CPQ: variants seen among roughly 807,000 people sequenced by gnomAD.
The protein encoded by CPQ is Ser-Met dipeptidase.
Under a neutral mutation model 45.7 loss-of-function variants are expected in CPQ, and 37 were observed. The ratio of observed to expected loss-of-function variants is 0.81; its 90% CI spans 0.62 to 1.07. The LOEUF is 1.07. Among genes scored for constraint, CPQ ranks in the 50% least tolerant of loss-of-function variants. The probability of loss-of-function intolerance (pLI) is 0.00; values close to 1 mark genes in which losing one functional copy is unlikely to be tolerated. For synonymous variants in CPQ, 186 were observed against 205.8 expected (o/e 0.90, Z 0.82); for missense variants, 537 against 572.9 (o/e 0.94, Z 0.64).
At chr8:96,846,447 A>G (rs550507288) in intron 3 of CPQ, among the ~76,000 whole-genome samples, 6 of 152,310 alleles carry the variant, frequency 3.9e-5, no homozygotes, top group African/African-American at 1.4e-4. Context: ...TTTGTGTCAT[A>G]GAGTCTTTTC....
chr8:96,773,954 C>T (rs1810576473), intron 1 of CPQ, among the ~76,000 whole-genome samples: 1 of 152,120 alleles, frequency 6.6e-6, no homozygotes, highest in Non-Finnish European at 1.5e-5. Context: ...GGCCACACCT[C>T]TTAATACTGT....
At chr8:97,106,830 A>AG (rs1811414046) in intron 7 of CPQ, among the ~76,000 whole-genome samples, 2 of 152,178 alleles carry the variant, frequency 1.3e-5, no homozygotes, top group Admixed American at 6.5e-5. Context: ...CGAGAAAGAG[A>AG]GGCCAGTATA....
intron 2 of CPQ, among the ~76,000 whole-genome samples, chr8:96,786,086 A>G (rs1810765088): frequency 2.0e-5 from 3 of 152,178 alleles, no homozygotes; most frequent in African/African-American, 4.8e-5. Flanking sequence ...GATTTTTAAT[A>G]TATTCACAGA....
chr8:97,060,821 G>A (rs973021828), intron 6 of CPQ, among the ~76,000 whole-genome samples: 2 of 152,120 alleles, frequency 1.3e-5, no homozygotes, highest in African/African-American at 4.8e-5. Context: ...CCCACACATA[G>A]CACACTAAGG....
chr8:97,105,784 C>A (rs1178063501), intron 7 of CPQ, among the ~76,000 whole-genome samples: 2 of 152,174 alleles, frequency 1.3e-5, no homozygotes, highest in African/African-American at 2.4e-5. Context: ...ATATTTCATT[C>A]CCCAAACAGC....
At chr8:96,929,440 A>T (rs1195625630) in intron 4 of CPQ, among the ~76,000 whole-genome samples, 4 of 152,184 alleles carry the variant, frequency 2.6e-5, no homozygotes. Flanking sequence ...TTAAACAAAG[A>T]TGCTCATCTT....
chr8:96,825,341 G>A lies in CPQ; in HGVS notation c.434-9632G>A, dbSNP rs190176794. 1.3e-3 allele frequency among the ~76,000 whole-genome samples: 205 copies of A among 152,112 alleles called. 2 individuals carry two copies. Among genetic ancestry groups the A allele is most frequent in the Admixed American group, 9.9e-3 (151 of 15,256 alleles). On this transcript the variant is annotated intron_variant, in intron 2 of 7. Coordinates refer to ENST00000220763, the MANE Select transcript of CPQ (RefSeq NM_016134.4). ...AGGAGAGCCTGCAGATGTTTTGGGG[G>A]AGAACACCACACAGATTTTGAATAT... is the stretch of plus-strand genomic sequence containing the variant.
chr8:96,992,270 T>A (rs748714104), intron 5 of CPQ, among the ~76,000 whole-genome samples: 2 of 152,158 alleles, frequency 1.3e-5, no homozygotes, highest in Non-Finnish European at 2.9e-5. Context: ...CTGAGGAGGA[T>A]CTAGACTGTC....
chr8:96,680,010 T>G (rs1300826769), intron 1 of CPQ, among the ~76,000 whole-genome samples: 1 of 152,202 alleles, frequency 6.6e-6, no homozygotes, highest in Non-Finnish European at 1.5e-5. Context: ...CATCATTAAG[T>G]TGTTTATTTG....
chr8:96,777,858 A>G (rs1810637081), intron 1 of CPQ, among the ~76,000 whole-genome samples: 1 of 130,530 alleles, frequency 7.7e-6, no homozygotes, highest in African/African-American at 2.9e-5. Context: ...CCTTCCGAGT[A>G]GCTGGGACTA....
At position 96,879,931 on chromosome 8, in the gene CPQ, G is replaced by T. The variant is rs1812198674; in HGVS notation, c.775G>T (p.Gly259Trp). Reference protein sequence around the residue: ...GIKIVIQLKMGAKTYPDTDSF... With the variant: ...GIKIVIQLKMWAKTYPDTDSF... ...CAAAATTGTCATTCAGCTAAAGATG[G>T]GGGCAAAGACCTACCCAGATACTGA... Residue 259 changes from glycine to tryptophan, a missense_variant, in exon 4 of 8, where the codon GGG (glycine) becomes TGG (tryptophan). Gly to Trp is a radical substitution (Grantham distance 184). Coordinates refer to ENST00000220763, the MANE Select transcript of CPQ (RefSeq NM_016134.4). The T allele has an allele frequency of 3.1e-6, 5 of 1,614,060 alleles. No individual in the cohort carries two copies. The highest frequency in any genetic ancestry group is 4.2e-6 in the Non-Finnish European group (5 of 1,179,974).
intron 5 of CPQ, among the ~76,000 whole-genome samples, chr8:97,001,717 C>CTTT (rs1170870469): frequency 9.8e-6 from 1 of 102,352 alleles, no homozygotes; most frequent in Non-Finnish European, 2.0e-5. Context: ...TTCTTTCTTT[C>CTTT]TTTCTTTTTT....
intron 3 of CPQ, among the ~76,000 whole-genome samples, chr8:96,872,440 C>T (rs569962333): frequency 7.2e-5 from 11 of 151,792 alleles, no homozygotes; most frequent in Non-Finnish European, 1.0e-4. Context: ...ATAGCTTATA[C>T]GGTACCAGAT....
intron 3 of CPQ, among the ~76,000 whole-genome samples, chr8:96,853,305 A>G (rs1256119671): frequency 6.6e-6 from 1 of 152,232 alleles, no homozygotes; most frequent in Non-Finnish European, 1.5e-5. Flanking sequence ...GACAGGCTCT[A>G]ATCTATGAAT....
Position 97,038,106 on chromosome 8 carries a change from T to A in CPQ, c.1053+8612T>A, listed in dbSNP as rs377552050. 1.1e-4 allele frequency among the ~76,000 whole-genome samples: 16 copies of A among 152,344 alleles called. No individual in the cohort carries two copies. In the East Asian group the frequency reaches 2.9e-3, roughly 28 times the overall value. On this transcript the variant is annotated intron_variant, in intron 6 of 7. Coordinates refer to ENST00000220763, the MANE Select transcript of CPQ (RefSeq NM_016134.4). ...AATGCCTTATGGTTTCAGATTATAG[T>A]GAAGTTTGACTTGAGTGTTGGTTTT...
chr8:96,724,490 GACACACACACACACACAC>G (rs146087978), intron 1 of CPQ, among the ~76,000 whole-genome samples: 5 of 144,788 alleles, frequency 3.5e-5, no homozygotes, highest in African/African-American at 1.0e-4. Flanking sequence ...ATTTAGAGTA[GACACACACACACACACAC>G]ACACACACAC....
chr8:97,013,983 T>C (rs1809535503), intron 5 of CPQ, among the ~76,000 whole-genome samples: 1 of 152,238 alleles, frequency 6.6e-6, no homozygotes, highest in Non-Finnish European at 1.5e-5. Context: ...CACTCAAAAT[T>C]GTTTTATTGA....
At chr8:96,804,201 G>C (rs1395002043) in intron 2 of CPQ, among the ~76,000 whole-genome samples, 1 of 152,174 alleles carries the variant, frequency 6.6e-6, no homozygotes, top group African/African-American at 2.4e-5. Context: ...AGTTCACAGA[G>C]AGGAGAAATA....
intron 4 of CPQ, among the ~76,000 whole-genome samples, chr8:96,938,256 G>C (rs1457976474): frequency 6.6e-6 from 1 of 152,072 alleles, no homozygotes; most frequent in Non-Finnish European, 1.5e-5. Flanking sequence ...TTTAGACCGG[G>C]TGTGGTGGCT....
Sources: gnomAD v4.1 joint callset for allele counts (sites outside exome capture counted in the v4.1 genomes callset) on GRCh38, gnomAD v4.1.1 for gene constraint, MANE v1.5 for transcripts, NCBI Gene and HGNC (gene_info 2026-07-23, HGNC 2026-07-21) for gene names.